The following MAGI2 variants were observed in gnomAD, a reference collection of about 807,000 sequenced individuals.
The protein encoded by MAGI2 is membrane-associated guanylate kinase, WW and PDZ domain-containing protein 2.
In MAGI2, 35 loss-of-function variants were observed where a neutral mutation model predicts 133.3. That is an observed-to-expected ratio of 0.26 (90% confidence interval 0.20 to 0.35). The LOEUF is 0.35. Ranked by LOEUF, MAGI2 falls within the 10% of genes least tolerant of loss-of-function variation. The pLI is 1.00. For missense variants in MAGI2, 1,636 were observed against 1,863.4 expected (o/e 0.88, Z 2.25); for synonymous variants, 729 against 710.6 (o/e 1.03, Z -0.41).
At chr7:78,210,668 CTT>C (rs1787684131) in intron 10 of MAGI2, among the ~76,000 whole-genome samples, 1 of 152,120 alleles carries the variant, frequency 6.6e-6, no homozygotes, top group Admixed American at 6.6e-5. Context: ...TCAGGTAAAA[CTT>C]AAAATAATGC....
At chr7:79,066,657 G>T (rs888581947) in intron 1 of MAGI2, among the ~76,000 whole-genome samples, 4 of 151,986 alleles carry the variant, frequency 2.6e-5, no homozygotes, top group African/African-American at 9.7e-5. Flanking sequence ...CATTGCTTTT[G>T]GTGTTTTAGT....
intron 1 of MAGI2, chr7:79,354,473 T>G (rs2129113939): frequency 6.6e-6 from 1 of 152,392 alleles, no homozygotes; most frequent in South Asian, 2.1e-4. Context: ...GTGGGCAGGG[T>G]TTGGGCCCAT....
rs118114853 is a variant in MAGI2, at chr7:78,689,821, C to G, written c.419-62582G>C. Among the ~76,000 whole-genome samples, 115 of 150,732 alleles carry G rather than the reference C, an allele frequency of 7.6e-4. 1 individual carries two copies. In the East Asian group the frequency reaches 0.02, roughly 26 times the overall value. Reference sequence around the variant, plus strand: ...AGATATCACAATTTATTTGTTCACTCAATTGTTGTATTTGTGTTGTTTCCA... The same window carrying G: ...AGATATCACAATTTATTTGTTCACTGAATTGTTGTATTTGTGTTGTTTCCA... On this transcript the variant is annotated intron_variant, in intron 2 of 21. Transcript: ENST00000354212.
In MAGI2 at chr7:78,083,390, GAGAGA is replaced by G. The variant is rs1816243672; in HGVS notation, c.3568-4310_3568-4306del. On this transcript the variant is annotated intron_variant, in intron 20 of 21. Coordinates refer to ENST00000354212, the MANE Select transcript of MAGI2 (RefSeq NM_012301.4). The stretch of plus-strand genomic sequence containing the variant: ...GGCGGGGGAGGGAGGGAGGGGGGGA[GAGAGA>G]GAGAGAGAGAGAGAGAGAGAGAGAG... Among the ~76,000 whole-genome samples, 27 of 17,212 alleles carry G rather than the reference GAGAGA, an allele frequency of 1.6e-3. No homozygotes were observed. The East Asian group carries it at 0.029, about 19-fold the overall frequency. The allele number at this position is 17,212 out of a possible 152,430, so 11.3% of individuals were successfully genotyped here. A position where few individuals can be genotyped will look rare whatever the true frequency, so the allele number is the denominator to read the frequency against.
chr7:79,055,308 G>A (rs1222712028), intron 1 of MAGI2, among the ~76,000 whole-genome samples: 3 of 151,108 alleles, frequency 2.0e-5, no homozygotes, highest in Admixed American at 6.6e-5. Flanking sequence ...ACTGTTTACT[G>A]ATATAGCACA....
At chr7:78,295,329 G>A (rs1467793762) in intron 9 of MAGI2, among the ~76,000 whole-genome samples, 2 of 152,154 alleles carry the variant, frequency 1.3e-5, no homozygotes, top group African/African-American at 2.4e-5. Flanking sequence ...GATTGACTAT[G>A]TGAATAAATC....
At chr7:78,268,957 C>G (rs894936429) in intron 9 of MAGI2, among the ~76,000 whole-genome samples, 5 of 152,060 alleles carry the variant, frequency 3.3e-5, no homozygotes, top group African/African-American at 1.2e-4. Context: ...ACTGACAAGC[C>G]CCGGTGTGTG....
chr7:78,217,345 C>T (rs556303035), intron 10 of MAGI2, among the ~76,000 whole-genome samples: 5 of 152,264 alleles, frequency 3.3e-5, no homozygotes, highest in South Asian at 2.1e-4. Context: ...AGGGATCTTA[C>T]GTGTATGTAT....
intron 1 of MAGI2, among the ~76,000 whole-genome samples, chr7:79,027,304 A>G (rs928337500): frequency 5.3e-5 from 8 of 151,404 alleles, no homozygotes; most frequent in African/African-American, 1.9e-4. Flanking sequence ...GTTCATCAAC[A>G]GGTGAATGGA....
intron 9 of MAGI2, among the ~76,000 whole-genome samples, chr7:78,280,693 G>A (rs925996665): frequency 3.9e-5 from 6 of 151,986 alleles, no homozygotes; most frequent in African/African-American, 1.4e-4. Context: ...GTGGAGCCAG[G>A]TGGGTGGAAC....
At chr7:78,165,921 T>C (rs936643601) in intron 15 of MAGI2, among the ~76,000 whole-genome samples, 3 of 152,250 alleles carry the variant, frequency 2.0e-5, no homozygotes, top group Non-Finnish European at 4.4e-5. Flanking sequence ...ATTACTTTGC[T>C]ATCAAAGTAT....
chr7:79,197,518 C>T (rs929761205), intron 1 of MAGI2, among the ~76,000 whole-genome samples: 5 of 152,042 alleles, frequency 3.3e-5, no homozygotes, highest in African/African-American at 1.2e-4. Flanking sequence ...GTTAATTTAA[C>T]TAACTTGGTC....
At chr7:78,815,627 G>C (rs887240908) in intron 2 of MAGI2, among the ~76,000 whole-genome samples, 2 of 151,886 alleles carry the variant, frequency 1.3e-5, no homozygotes, top group Non-Finnish European at 2.9e-5. Flanking sequence ...GGTAATTCTT[G>C]CAATATTTCA....
intron 6 of MAGI2, among the ~76,000 whole-genome samples, chr7:78,432,126 A>T (rs186531983): frequency 4.6e-5 from 7 of 151,594 alleles, no homozygotes; most frequent in East Asian, 3.9e-4. Flanking sequence ...TAAATTATTA[A>T]TTTTTTTTAT....
rs144925635 is a variant in MAGI2, at chr7:79,226,613, T to C, written c.302-219407A>G. Among the ~76,000 whole-genome samples the C allele has an allele frequency of 2.6e-5, 4 of 152,290 alleles. No individual in the cohort carries two copies. In the East Asian group the frequency reaches 7.7e-4, roughly 29 times the overall value. ...CTGGGTTTTCCTCCTTTCTCTTCCC[T>C]TCTCTTTCCTATCCTCCTTTATTTC... On this transcript the variant is annotated intron_variant, in intron 1 of 21. Coordinates refer to ENST00000354212, the MANE Select transcript of MAGI2 (RefSeq NM_012301.4).
At chr7:79,214,717 A>G (rs1447890640) in intron 1 of MAGI2, among the ~76,000 whole-genome samples, 1 of 140,458 alleles carries the variant, frequency 7.1e-6, no homozygotes, top group Admixed American at 7.4e-5. Context: ...ACATAAATAT[A>G]AATATATAAA....
intron 1 of MAGI2, among the ~76,000 whole-genome samples, chr7:79,057,429 G>A (rs1000682154): frequency 1.3e-5 from 2 of 152,132 alleles, no homozygotes; most frequent in African/African-American, 2.4e-5. Context: ...TACAAATTGA[G>A]CAAATACATT....
chr7:79,396,470 C>A (rs750457043), intron 1 of MAGI2, among the ~76,000 whole-genome samples: 18 of 152,218 alleles, frequency 1.2e-4, no homozygotes, highest in African/African-American at 4.3e-4. Flanking sequence ...CTCCAGTTTA[C>A]TTTTTTCTTG....
At chr7:79,179,686 G>C (rs964711885) in intron 1 of MAGI2, among the ~76,000 whole-genome samples, 4 of 151,918 alleles carry the variant, frequency 2.6e-5, no homozygotes, top group African/African-American at 4.8e-5. Context: ...AGGATACCTT[G>C]TTCAATAAAC....
Sources: allele counts gnomAD v4.1 joint callset (sites outside exome capture counted in the v4.1 genomes callset), GRCh38; gene constraint gnomAD v4.1.1; transcripts MANE v1.5; gene names NCBI Gene and HGNC (gene_info 2026-07-23, HGNC 2026-07-21).